The following LAMA2 variants were observed in gnomAD, a reference collection of about 807,000 sequenced individuals.
The protein encoded by LAMA2 is laminin subunit alpha-2.
In LAMA2, 269 loss-of-function variants were observed where a neutral mutation model predicts 364.8. That is an observed-to-expected ratio of 0.74 (90% CI 0.67 to 0.82). The LOEUF is 0.82. Among genes scored for constraint, LAMA2 ranks in the 40% least tolerant of loss-of-function variants. The pLI is 0.00. For missense variants in LAMA2, 3,807 were observed against 3,873.2 expected (o/e 0.98, Z 0.45); for synonymous variants, 1,379 against 1,370.6 (o/e 1.01, Z -0.14).
chr6:128,989,710 G>A (rs760347769), intron 1 of LAMA2, among the ~76,000 whole-genome samples: 2 of 152,150 alleles, frequency 1.3e-5, no homozygotes, highest in Admixed American at 6.5e-5. Flanking sequence ...ATAGAACTAA[G>A]AATAGTTATA....
At chr6:128,958,305 AG>A (rs1271403580) in intron 1 of LAMA2, among the ~76,000 whole-genome samples, 2 of 152,108 alleles carry the variant, frequency 1.3e-5, no homozygotes, top group Non-Finnish European at 2.9e-5. Context: ...TTAGAGCAAA[AG>A]TTTTAAAACC....
At chr6:128,893,091 T>A (rs899379672) in intron 1 of LAMA2, among the ~76,000 whole-genome samples, 2 of 151,964 alleles carry the variant, frequency 1.3e-5, no homozygotes, top group African/African-American at 4.8e-5. Flanking sequence ...GTAATTGGAA[T>A]TCCAAAATAT....
At chr6:129,476,684 A>G (rs1237004287) in intron 53 of LAMA2, among the ~76,000 whole-genome samples, 2 of 152,196 alleles carry the variant, frequency 1.3e-5, no homozygotes, top group African/African-American at 4.8e-5. Flanking sequence ...CAGTCTTTCC[A>G]TAAAGGAAAA....
intron 55 of LAMA2, among the ~76,000 whole-genome samples, chr6:129,483,637 T>A (rs1268226496): frequency 6.6e-6 from 1 of 152,228 alleles, no homozygotes; most frequent in East Asian, 1.9e-4. Context: ...GACAGCTTAT[T>A]CTAAAATTTA....
At chr6:129,169,771 G>T (rs1269772332) in intron 9 of LAMA2, among the ~76,000 whole-genome samples, 1 of 138,472 alleles carries the variant, frequency 7.2e-6, no homozygotes, top group Non-Finnish European at 1.5e-5. Flanking sequence ...GGTAGAATTC[G>T]GCTGTGAATC....
chr6:129,249,561 T>A (rs1236724952), intron 12 of LAMA2, among the ~76,000 whole-genome samples: 1 of 152,218 alleles, frequency 6.6e-6, no homozygotes, highest in East Asian at 1.9e-4. Flanking sequence ...ATACCTTCTT[T>A]GCCTGTTTTG....
chr6:129,164,154 C>A (rs1466139550), intron 8 of LAMA2, among the ~76,000 whole-genome samples: 3 of 152,086 alleles, frequency 2.0e-5, no homozygotes, highest in East Asian at 1.9e-4. Flanking sequence ...TAGTACCAAA[C>A]CTATATATAC....
intron 8 of LAMA2, chr6:129,158,072 A>T: frequency 6.2e-7 from 1 of 1,612,260 alleles, no homozygotes; most frequent in Non-Finnish European, 8.5e-7. Flanking sequence ...CTTGGGTGCC[A>T]TACGTTTCTG....
At chr6:129,122,703 C>T (rs1225820013) in intron 4 of LAMA2, among the ~76,000 whole-genome samples, 2 of 152,064 alleles carry the variant, frequency 1.3e-5, no homozygotes, top group Non-Finnish European at 2.9e-5. Flanking sequence ...TGTTGATATA[C>T]TCCGGTTCCC....
intron 1 of LAMA2, among the ~76,000 whole-genome samples, chr6:129,036,729 A>G (rs1786664472): frequency 6.6e-6 from 1 of 152,166 alleles, no homozygotes; most frequent in Non-Finnish European, 1.5e-5. Context: ...AGATCTAACT[A>G]ATGGTACAAG....
chr6:129,418,143 C>T (rs1023090624), intron 40 of LAMA2, among the ~76,000 whole-genome samples: 1 of 152,114 alleles, frequency 6.6e-6, no homozygotes, highest in African/African-American at 2.4e-5. Context: ...TCATCGCCTG[C>T]TCCCTCTGTT....
chr6:129,043,964 T>C (rs1787283799), intron 1 of LAMA2, among the ~76,000 whole-genome samples: 2 of 152,202 alleles, frequency 1.3e-5, no homozygotes, highest in South Asian at 4.1e-4. Flanking sequence ...TATGCACAGA[T>C]TGAGGCTCCC....
chr6:129,072,933 CT>C (rs969435735), intron 3 of LAMA2, among the ~76,000 whole-genome samples: 1 of 152,032 alleles, frequency 6.6e-6, no homozygotes, highest in Non-Finnish European at 1.5e-5. Flanking sequence ...ACACCTTTAA[CT>C]TTTTTGTTTA....
At chr6:129,258,369 A>G (rs1029872386) in intron 14 of LAMA2, among the ~76,000 whole-genome samples, 1 of 152,094 alleles carries the variant, frequency 6.6e-6, no homozygotes, top group African/African-American at 2.4e-5. Flanking sequence ...TGATGAATGA[A>G]TAAACAAAAT....
chr6:129,321,949 G>A (rs1401260081), intron 28 of LAMA2, among the ~76,000 whole-genome samples: 1 of 152,140 alleles, frequency 6.6e-6, no homozygotes, highest in Non-Finnish European at 1.5e-5. Context: ...TACTTGCTCT[G>A]TTTTTGCTAA....
intron 22 of LAMA2, among the ~76,000 whole-genome samples, chr6:129,304,933 T>C (rs1295360749): frequency 6.6e-6 from 1 of 152,204 alleles, no homozygotes; most frequent in Non-Finnish European, 1.5e-5. Context: ...TTGAAAATAA[T>C]GTGTATTCTG....
At chr6:128,909,375 C>G (rs1777730179) in intron 1 of LAMA2, among the ~76,000 whole-genome samples, 4 of 151,742 alleles carry the variant, frequency 2.6e-5, no homozygotes, top group Admixed American at 2.6e-4. Context: ...GAATTGATCC[C>G]TTTACCATTA....
intron 1 of LAMA2, among the ~76,000 whole-genome samples, chr6:128,951,259 A>AT (rs71663748): frequency 3.9e-5 from 6 of 151,994 alleles, no homozygotes; most frequent in Non-Finnish European, 7.4e-5. Flanking sequence ...AAAAATAGGG[A>AT]TTTTTTCTTT....
chr6:128,993,252 C>A (rs1037534754), intron 1 of LAMA2, among the ~76,000 whole-genome samples: 1 of 152,108 alleles, frequency 6.6e-6, no homozygotes, highest in Admixed American at 6.6e-5. Context: ...TATTACTGAC[C>A]AGCAGAAAGT....
Sources: gnomAD v4.1 joint callset for allele counts (sites outside exome capture counted in the v4.1 genomes callset) on GRCh38, gnomAD v4.1.1 for gene constraint, MANE v1.5 for transcripts, NCBI Gene and HGNC (gene_info 2026-07-23, HGNC 2026-07-21) for gene names.